Variants in PTPRM observed in about 807,000 individuals in gnomAD.
PTPRM encodes the protein receptor-type tyrosine-protein phosphatase mu.
PTPRM carries 47 observed loss-of-function variants against 186.7 expected under a neutral mutation model. That is an observed-to-expected ratio of 0.25 (90% CI 0.20 to 0.32). The LOEUF is 0.32. PTPRM is among the 10% of genes least tolerant of loss of function. The pLI is 1.00. For missense variants in PTPRM, 1,494 were observed against 1,865.0 expected (o/e 0.80, Z 3.66); for synonymous variants, 668 against 674.9 (o/e 0.99, Z 0.16).
At position 8,192,061 on chromosome 18, in the gene PTPRM, A is replaced by G. The variant is rs943623397; in HGVS notation, c.2300+48282A>G. Reference sequence around the variant, plus strand: ...AATAATATTGATATTATTATTCTAAACTTATTTTACATATAGTAGGACTAA... The same window carrying G: ...AATAATATTGATATTATTATTCTAAGCTTATTTTACATATAGTAGGACTAA... On this transcript the variant is annotated intron_variant, in intron 14 of 32. Coordinates refer to ENST00000580170, the MANE Select transcript of PTPRM (RefSeq NM_001105244.2). Among the ~76,000 whole-genome samples, 7 of 151,740 alleles carry G rather than the reference A, an allele frequency of 4.6e-5. No individual in the cohort carries two copies. In the South Asian group the frequency reaches 1.2e-3, roughly 27 times the overall value.
chr18:8,192,309 A>G (rs1193637781), intron 14 of PTPRM, among the ~76,000 whole-genome samples: 1 of 152,186 alleles, frequency 6.6e-6, no homozygotes, highest in Non-Finnish European at 1.5e-5. Flanking sequence ...TTACAACTAG[A>G]TCTTGCTTTC....
intron 11 of PTPRM, among the ~76,000 whole-genome samples, chr18:8,098,391 T>C (rs910790402): frequency 3.3e-5 from 5 of 152,196 alleles, no homozygotes; most frequent in Admixed American, 2.0e-4. Flanking sequence ...GTTTATTGAA[T>C]GAACCTCATC....
chr18:8,169,362 T>C (rs572637986), intron 14 of PTPRM, among the ~76,000 whole-genome samples: 2 of 151,464 alleles, frequency 1.3e-5, no homozygotes, highest in Admixed American at 6.6e-5. Flanking sequence ...AAAAAAATGC[T>C]TATCAAATTA....
chr18:8,384,797 T>C (rs532586982), intron 30 of PTPRM, 111 bp downstream of exon 30: 23 of 1,408,554 alleles, frequency 1.6e-5, no homozygotes, highest in African/African-American at 1.1e-4. Flanking sequence ...GTTTGGAGTA[T>C]GTCAGTGAAC....
At chr18:7,588,479 C>T (rs535503791) in intron 1 of PTPRM, among the ~76,000 whole-genome samples, 47 of 152,064 alleles carry the variant, frequency 3.1e-4, no homozygotes, top group Non-Finnish European at 5.9e-4. Flanking sequence ...TAATGCACAC[C>T]GAATCTAACT....
intron 1 of PTPRM, among the ~76,000 whole-genome samples, chr18:7,686,301 G>A (rs1312297821): frequency 6.6e-6 from 1 of 152,116 alleles, no homozygotes; most frequent in Non-Finnish European, 1.5e-5. Flanking sequence ...AAAACCTGAT[G>A]TTTACTGTAG....
intron 1 of PTPRM, among the ~76,000 whole-genome samples, chr18:7,656,405 G>A (rs1011329143): frequency 6.6e-6 from 1 of 152,124 alleles, no homozygotes; most frequent in Non-Finnish European, 1.5e-5. Flanking sequence ...TGGTTCCCCG[G>A]GGTGAGGGGA....
chr18:8,139,141 T>C (rs1356116119), intron 13 of PTPRM, among the ~76,000 whole-genome samples: 1 of 152,162 alleles, frequency 6.6e-6, no homozygotes, highest in African/African-American at 2.4e-5. Flanking sequence ...TCAAACCTCA[T>C]TGGTCCAAAA....
chr18:7,746,326 C>A (rs2040985012), intron 1 of PTPRM, among the ~76,000 whole-genome samples: 1 of 152,100 alleles, frequency 6.6e-6, no homozygotes, highest in Admixed American at 6.5e-5. Context: ...ATCCAGAAGA[C>A]AATGACATGA....
chr18:7,819,492 G>A (rs948783984), intron 2 of PTPRM, among the ~76,000 whole-genome samples: 1 of 151,290 alleles, frequency 6.6e-6, no homozygotes, highest in Non-Finnish European at 1.5e-5. Context: ...GAGAGCCCAG[G>A]CCACTAAGTG....
At chr18:8,125,988 TATATATATATATATATATATATATATA>T (rs2092329602) in intron 13 of PTPRM, among the ~76,000 whole-genome samples, 1 of 6,338 alleles carries the variant, frequency 1.6e-4, no homozygotes, top group Non-Finnish European at 4.3e-4. Context: ...TATATATATA[TATATATATATATATATATATATATATA>T]TATATATATA....
At chr18:8,263,458 T>C (rs1476336091) in intron 19 of PTPRM, among the ~76,000 whole-genome samples, 2 of 151,776 alleles carry the variant, frequency 1.3e-5, no homozygotes, top group African/African-American at 4.8e-5. Context: ...TTATTTAACC[T>C]TGTGGCAGGA....
At chr18:8,008,784 C>G (rs1338751411) in intron 7 of PTPRM, among the ~76,000 whole-genome samples, 1 of 152,174 alleles carries the variant, frequency 6.6e-6, no homozygotes, top group Non-Finnish European at 1.5e-5. Context: ...CCACACTGAC[C>G]TCGCTCCCTC....
intron 7 of PTPRM, among the ~76,000 whole-genome samples, chr18:8,057,425 CTTTTTTT>C (rs763829289): frequency 0.4 from 41,401 of 102,814 alleles, 7,395 homozygotes; most frequent in Non-Finnish European, 0.49. Flanking sequence ...TGTGATACTT[CTTTTTTT>C]TTTTTTTTTT....
At chr18:8,028,934 G>A (rs2148035507) in intron 7 of PTPRM, among the ~76,000 whole-genome samples, 1 of 152,286 alleles carries the variant, frequency 6.6e-6, no homozygotes, top group East Asian at 1.9e-4. Flanking sequence ...TATACTCTTT[G>A]GTTTTTACTT....
chr18:7,667,127 C>T (rs1326471165), intron 1 of PTPRM, among the ~76,000 whole-genome samples: 1 of 152,214 alleles, frequency 6.6e-6, no homozygotes, highest in African/African-American at 2.4e-5. Context: ...TGTGTTGTCT[C>T]TGGCTGTACA....
chr18:8,056,114 G>A (rs2148312133), intron 7 of PTPRM, among the ~76,000 whole-genome samples: 1 of 152,154 alleles, frequency 6.6e-6, no homozygotes, highest in South Asian at 2.1e-4. Context: ...TTACTTTATG[G>A]ATGTATTCTT....
At chr18:7,743,269 C>T (rs1300707260) in intron 1 of PTPRM, among the ~76,000 whole-genome samples, 1 of 152,192 alleles carries the variant, frequency 6.6e-6, no homozygotes, top group African/African-American at 2.4e-5. Context: ...AAATTTAATA[C>T]ACTGTTGTGA....
At chr18:8,159,062 T>G (rs2093177959) in intron 14 of PTPRM, among the ~76,000 whole-genome samples, 1 of 152,186 alleles carries the variant, frequency 6.6e-6, no homozygotes, top group South Asian at 2.1e-4. Context: ...CTAAATTTCT[T>G]TTTAACAGGG....
Sources: allele counts gnomAD v4.1 joint callset (sites outside exome capture counted in the v4.1 genomes callset), GRCh38; gene constraint gnomAD v4.1.1; transcripts MANE v1.5; gene names NCBI Gene and HGNC (gene_info 2026-07-23, HGNC 2026-07-21).